Variants in RASGRF2 observed in about 807,000 individuals in gnomAD.
RASGRF2 encodes ras-specific guanine nucleotide-releasing factor 2.
RASGRF2 carries 76 observed loss-of-function variants against 151.0 expected under a neutral mutation model. The observed-to-expected ratio is 0.50, with a 90% confidence interval of 0.42 to 0.61. The LOEUF is 0.61. Among genes scored for constraint, RASGRF2 ranks in the 20% least tolerant of loss-of-function variants. RASGRF2 has a pLI of 0.00. For missense variants in RASGRF2, 1,148 were observed against 1,564.6 expected, an observed-to-expected ratio of 0.73 and a Z score of 4.49; for synonymous variants, 504 against 566.5, an observed-to-expected ratio of 0.89 and a Z score of 1.57.
intron 17 of RASGRF2, among the ~76,000 whole-genome samples, chr5:81,160,718 TAA>T (rs1491373170): frequency 1.4e-5 from 2 of 146,572 alleles, no homozygotes; most frequent in Non-Finnish European, 3.0e-5. Flanking sequence ...ATAATAATAA[TAA>T]GTCAACCAGG....
chr5:81,127,196 G>A (rs1753480376), intron 17 of RASGRF2, 33 bp downstream of exon 17: 2 of 1,582,262 alleles, frequency 1.3e-6, no homozygotes, highest in Middle Eastern at 1.7e-4. Flanking sequence ...ACAGATATGT[G>A]ACCATTTATA....
Position 80,960,551 on chromosome 5 carries a change from G to T in RASGRF2, c.-188G>T. 1 of 389,388 alleles carries T rather than the reference G, an allele frequency of 2.6e-6. No homozygotes were observed. Among genetic ancestry groups the T allele is most frequent in the Non-Finnish European group, 4.2e-6 (1 of 239,962 alleles). 24.1% of individuals were successfully genotyped at this position (389,388 alleles called of 1,614,324 possible). ...GGAGAGCGTGCCTCGGCCCCAGCCCGCGCCCCTGCCACCGCGCGCCGCGGC... is the reference window on the plus strand; with the variant it reads ...GGAGAGCGTGCCTCGGCCCCAGCCCTCGCCCCTGCCACCGCGCGCCGCGGC... On this transcript the variant is annotated 5_prime_UTR_variant, in exon 1 of 27. Coordinates refer to ENST00000265080, the MANE Select transcript of RASGRF2 (RefSeq NM_006909.3). This position sits in a 1 kb window ranked among gnomAD's most constrained non-coding sequence, Gnocchi z 5.5.
At chr5:81,184,942 C>T (rs79307063) in intron 18 of RASGRF2, among the ~76,000 whole-genome samples, 12,307 of 152,228 alleles carry the variant, frequency 0.081, 635 homozygotes, top group Middle Eastern at 0.13. Context: ...TGTGTGTGGC[C>T]GGCTGTTAAA....
intron 1 of RASGRF2, among the ~76,000 whole-genome samples, chr5:81,027,099 A>G (rs1049660897): frequency 9.9e-5 from 15 of 152,208 alleles, no homozygotes; most frequent in Non-Finnish European, 2.1e-4. Context: ...GGTTTTCAGT[A>G]TATTAGCCAG....
At chr5:81,136,815 C>A (rs1001039117) in intron 17 of RASGRF2, among the ~76,000 whole-genome samples, 2 of 151,826 alleles carry the variant, frequency 1.3e-5, no homozygotes, top group African/African-American at 4.8e-5. Flanking sequence ...TTTCCTTTTT[C>A]TCTTTGTGCT....
intron 2 of RASGRF2, among the ~76,000 whole-genome samples, chr5:81,056,586 G>C (rs536170108): frequency 6.6e-6 from 1 of 152,204 alleles, no homozygotes; most frequent in Non-Finnish European, 1.5e-5. Context: ...GTGTGGTGCT[G>C]AGAAGAATGT....
At chr5:81,007,271 T>C (rs1481293243) in intron 1 of RASGRF2, among the ~76,000 whole-genome samples, 1 of 152,250 alleles carries the variant, frequency 6.6e-6, no homozygotes, top group Non-Finnish European at 1.5e-5. Flanking sequence ...TTTCTGATTG[T>C]GGTTTCAAAT....
At chr5:81,070,264 C>T (rs1187588466) in intron 3 of RASGRF2, 20 of 422,956 alleles carry the variant, frequency 4.7e-5, no homozygotes, top group South Asian at 3.7e-4. Context: ...CCCAGATCCC[C>T]GGTCACACTT....
intron 17 of RASGRF2, among the ~76,000 whole-genome samples, chr5:81,160,597 G>C (rs1754359032): frequency 6.7e-6 from 1 of 150,356 alleles, no homozygotes; most frequent in Non-Finnish European, 1.5e-5. Context: ...GCTTGAACCT[G>C]GGAGGCGGAG....
intron 4 of RASGRF2, among the ~76,000 whole-genome samples, chr5:81,071,564 A>G (rs779938774): frequency 1.3e-5 from 2 of 152,222 alleles, no homozygotes; most frequent in Non-Finnish European, 2.9e-5. Flanking sequence ...CAGAATTTGA[A>G]ATAGAAATGA....
chr5:80,960,675 TG>T lies in RASGRF2; in HGVS notation c.-61del. The T allele has an allele frequency of 7.4e-7, 1 of 1,342,760 alleles. No homozygotes were observed. Among genetic ancestry groups the T allele is most frequent in the Non-Finnish European group, 9.7e-7 (1 of 1,030,172 alleles). The allele number at this position is 1,342,760 out of a possible 1,614,324, so 83.2% of individuals were successfully genotyped here. On this transcript the variant is annotated 5_prime_UTR_variant, in exon 1 of 27. Transcript: ENST00000265080. The surrounding 1 kb of genome is among the most constrained non-coding windows in gnomAD (Gnocchi z 5.5). ...CGGTCGCGCCCTCGAGGGAGCCAGC[TG>T]GGCCATGGCCGCGAGGCAGGGGTGA...
chr5:81,196,462 G>T (rs990323228), intron 18 of RASGRF2, among the ~76,000 whole-genome samples: 1 of 152,188 alleles, frequency 6.6e-6, no homozygotes. Flanking sequence ...CATTTGTCAT[G>T]CTTCAAATAG....
At chr5:81,071,822 G>A (rs1253104569) in intron 4 of RASGRF2, among the ~76,000 whole-genome samples, 1 of 152,006 alleles carries the variant, frequency 6.6e-6, no homozygotes, top group African/African-American at 2.4e-5. Context: ...CAGATGTGTG[G>A]TAGAAACTAG....
intron 17 of RASGRF2, among the ~76,000 whole-genome samples, chr5:81,160,622 A>C (rs1754359339): frequency 1.3e-5 from 2 of 151,370 alleles, no homozygotes; most frequent in Non-Finnish European, 1.5e-5. Flanking sequence ...CAGTGAGCCA[A>C]GATCGCGCCA....
At chr5:81,102,411 G>A (rs1314908041) in intron 12 of RASGRF2, among the ~76,000 whole-genome samples, 1 of 152,192 alleles carries the variant, frequency 6.6e-6, no homozygotes, top group Non-Finnish European at 1.5e-5. Flanking sequence ...AAAAATGAAT[G>A]TGGCCAGACA....
chr5:80,981,214 G>T (rs1295509373), intron 1 of RASGRF2, among the ~76,000 whole-genome samples: 1 of 152,084 alleles, frequency 6.6e-6, no homozygotes, highest in Non-Finnish European at 1.5e-5. Flanking sequence ...TTGCCTAATT[G>T]ATACCACAGC....
At chr5:81,170,006 TCACCTGCAC>T (rs1279026032) in intron 17 of RASGRF2, among the ~76,000 whole-genome samples, 10 of 61,712 alleles carry the variant, frequency 1.6e-4, no homozygotes, top group Admixed American at 1.0e-3. Context: ...ATCACCTGCA[TCACCTGCAC>T]CACCTGCACC....
At position 81,113,883 on chromosome 5, in the gene RASGRF2, G is replaced by C; in HGVS notation, c.2433G>C (p.Val811=). The part of the protein sequence containing the change: ...TVEENVDNPR[V]DLCNKLKRSI... ...AAGAGAATGTCGATAACCCACGCGT[G>C]GATCTGTGTAACAAGCTAAAACGAA... The change falls in exon 15 of 27, where the codon GTG becomes GTC. Residue 811 remains valine, a synonymous_variant. Coordinates refer to ENST00000265080, the MANE Select transcript of RASGRF2 (RefSeq NM_006909.3). 1 of 1,614,116 alleles carries C rather than the reference G, an allele frequency of 6.2e-7. No individual in the cohort carries two copies. Among genetic ancestry groups the C allele is most frequent in the Non-Finnish European group, 8.5e-7 (1 of 1,180,004 alleles).
chr5:81,113,417 C>T (rs1753057047), intron 14 of RASGRF2, 121 bp from the exon 15 acceptor site: 1 of 1,193,504 alleles, frequency 8.4e-7, no homozygotes, highest in Admixed American at 2.4e-5. Context: ...TAACGGAAGT[C>T]CAGCAATAGA....
Sources: allele counts gnomAD v4.1 joint callset (sites outside exome capture counted in the v4.1 genomes callset), GRCh38; gene constraint gnomAD v4.1.1; non-coding constraint Gnocchi (gnomAD v3.1); transcripts MANE v1.5; gene names NCBI Gene and HGNC (gene_info 2026-07-23, HGNC 2026-07-21).